RALGPS1: variants seen among roughly 807,000 people sequenced by gnomAD.
RALGPS1 encodes Ral GEF with PH domain and SH3 binding motif 1.
A neutral mutation model predicts 78.8 loss-of-function variants in RALGPS1; 19 were observed. That is an observed-to-expected ratio of 0.24 (90% CI 0.17 to 0.35). RALGPS1 has a LOEUF of 0.35. Ranked by LOEUF, RALGPS1 falls within the 10% of genes least tolerant of loss-of-function variation. The pLI is 1.00. For missense variants in RALGPS1, 454 were observed against 688.3 expected (o/e 0.66, Z 3.81); for synonymous variants, 228 against 256.3 (o/e 0.89, Z 1.06).
intron 11 of RALGPS1, among the ~76,000 whole-genome samples, chr9:127,191,981 G>A (rs944083469): frequency 8.5e-5 from 13 of 152,246 alleles, no homozygotes; most frequent in African/African-American, 3.1e-4. Context: ...AGAGGCGTGA[G>A]CCACGGCGCC....
intron 4 of RALGPS1, among the ~76,000 whole-genome samples, chr9:126,987,296 T>C (rs1412695176): frequency 6.6e-6 from 1 of 152,144 alleles, no homozygotes; most frequent in Non-Finnish European, 1.5e-5. Context: ...ACATTATCAC[T>C]AGGCCTTGAA....
intron 1 of RALGPS1, among the ~76,000 whole-genome samples, chr9:126,949,180 T>TA (rs2037567663): frequency 6.6e-6 from 1 of 152,244 alleles, no homozygotes; most frequent in African/African-American, 2.4e-5. Context: ...CCATGGTGTA[T>TA]ATGTGCCACA....
intron 1 of RALGPS1, among the ~76,000 whole-genome samples, chr9:126,932,920 G>C (rs2035925748): frequency 6.6e-6 from 1 of 152,212 alleles, no homozygotes; most frequent in African/African-American, 2.4e-5. Context: ...CCGAGGCCGG[G>C]CTGTGGACGC....
At chr9:127,069,016 A>G (rs1256029286) in intron 7 of RALGPS1, among the ~76,000 whole-genome samples, 1 of 152,136 alleles carries the variant, frequency 6.6e-6, no homozygotes, top group African/African-American at 2.4e-5. Flanking sequence ...CTAGTCCTCA[A>G]TTTGGTCCAG....
At chr9:127,092,808 AAGC>A (rs2052639067) in intron 8 of RALGPS1, among the ~76,000 whole-genome samples, 1 of 152,006 alleles carries the variant, frequency 6.6e-6, no homozygotes, top group African/African-American at 2.4e-5. Flanking sequence ...GAGGAGAAAA[AAGC>A]AGAGACACAG....
intron 8 of RALGPS1, among the ~76,000 whole-genome samples, chr9:127,118,753 GC>G (rs1190587842): frequency 6.6e-6 from 1 of 152,218 alleles, no homozygotes; most frequent in Non-Finnish European, 1.5e-5. Flanking sequence ...ATGAAGCAGA[GC>G]CCCTCCCCCA....
At chr9:127,036,283 C>T (rs2046858646) in intron 5 of RALGPS1, among the ~76,000 whole-genome samples, 1 of 152,244 alleles carries the variant, frequency 6.6e-6, no homozygotes, top group South Asian at 2.1e-4. Flanking sequence ...AGAGGCCAGG[C>T]CTGGTCAGCC....
chr9:127,083,683 T>C (rs895235940), intron 8 of RALGPS1, among the ~76,000 whole-genome samples: 10 of 152,230 alleles, frequency 6.6e-5, no homozygotes, highest in African/African-American at 2.4e-4. Context: ...AACTCATTTT[T>C]TCCCCAGTGT....
At chr9:127,044,901 C>T (rs1336621397) in intron 5 of RALGPS1, among the ~76,000 whole-genome samples, 1 of 152,166 alleles carries the variant, frequency 6.6e-6, no homozygotes. Flanking sequence ...TGGTTTATTA[C>T]AAAGCAAAGA....
At chr9:127,151,879 CCT>C (rs1261889237) in intron 8 of RALGPS1, among the ~76,000 whole-genome samples, 2 of 152,134 alleles carry the variant, frequency 1.3e-5, no homozygotes, top group East Asian at 3.8e-4. Context: ...TTCTCAGGCC[CCT>C]GTGTCCCCTT....
intron 1 of RALGPS1, among the ~76,000 whole-genome samples, chr9:126,916,885 C>T (rs1047418865): frequency 1.2e-4 from 19 of 152,266 alleles, no homozygotes; most frequent in African/African-American, 4.1e-4. Context: ...GATGACAGGG[C>T]TTTTTCTGAA....
intron 11 of RALGPS1, chr9:127,178,329 G>A: frequency 2.0e-6 from 1 of 490,228 alleles, no homozygotes. Flanking sequence ...AGTGGGCAGG[G>A]CAAAAAATGC....
intron 8 of RALGPS1, among the ~76,000 whole-genome samples, chr9:127,124,035 AG>A (rs1463112972): frequency 2.0e-5 from 3 of 152,206 alleles, no homozygotes; most frequent in Non-Finnish European, 4.4e-5. Context: ...CCCTACTACC[AG>A]GCACCCGTCC....
chr9:126,958,126 T>TA (rs11290290), intron 1 of RALGPS1, among the ~76,000 whole-genome samples: 20 of 77,558 alleles, frequency 2.6e-4, no homozygotes, highest in South Asian at 5.4e-4. Context: ...GCTGTCTCTT[T>TA]AAAAAAAAAA....
At chr9:127,161,679 C>A (rs941290302) in intron 8 of RALGPS1, among the ~76,000 whole-genome samples, 2 of 152,132 alleles carry the variant, frequency 1.3e-5, no homozygotes, top group Admixed American at 6.6e-5. Flanking sequence ...AGAGTGTTGA[C>A]CCCATAGGGG....
At chr9:127,159,292 C>G (rs983975529) in intron 8 of RALGPS1, among the ~76,000 whole-genome samples, 12 of 152,168 alleles carry the variant, frequency 7.9e-5, no homozygotes, top group Admixed American at 5.9e-4. Flanking sequence ...ATCCCCAGGG[C>G]ATGAGGGGAT....
At chr9:127,148,330 G>A (rs1009464782) in intron 8 of RALGPS1, among the ~76,000 whole-genome samples, 6 of 152,238 alleles carry the variant, frequency 3.9e-5, no homozygotes, top group African/African-American at 1.2e-4. Flanking sequence ...TCCCATGGAA[G>A]AGAGGAAGGA....
chr9:126,921,718 AC>A (rs1279701124), intron 1 of RALGPS1, among the ~76,000 whole-genome samples: 1 of 152,038 alleles, frequency 6.6e-6, no homozygotes, highest in South Asian at 2.1e-4. Context: ...AAATGACTAT[AC>A]CTCTGTTTCC....
At chr9:127,096,125 C>T (rs2053104740) in intron 8 of RALGPS1, among the ~76,000 whole-genome samples, 1 of 152,206 alleles carries the variant, frequency 6.6e-6, no homozygotes, top group African/African-American at 2.4e-5. Flanking sequence ...GCTTCCTTTG[C>T]CAGTGCCACT....
Sources: gnomAD v4.1 joint callset for allele counts (sites outside exome capture counted in the v4.1 genomes callset) on GRCh38, gnomAD v4.1.1 for gene constraint, MANE v1.5 for transcripts, NCBI Gene and HGNC (gene_info 2026-07-23, HGNC 2026-07-21) for gene names.